Variants in PPFIBP2 observed in about 807,000 individuals in gnomAD.
The protein encoded by PPFIBP2 is PPFIB scaffold protein 2.
PPFIBP2 carries 118 observed loss-of-function variants against 118.3 expected under a neutral mutation model. The ratio of observed to expected loss-of-function variants is 1.00; its 90% CI spans 0.86 to 1.16. The LOEUF is 1.16. Among genes scored for constraint, PPFIBP2 ranks in the 50% most tolerant of loss-of-function variants. PPFIBP2 has a pLI of 0.00. For synonymous variants in PPFIBP2, 414 were observed against 397.4 expected, an observed-to-expected ratio of 1.04 and a Z score of -0.50; for missense variants, 1,195 against 1,073.1, an observed-to-expected ratio of 1.11 and a Z score of -1.59.
At chr11:7,570,655 A>G (rs1855558573) in intron 3 of PPFIBP2, among the ~76,000 whole-genome samples, 5 of 152,162 alleles carry the variant, frequency 3.3e-5, no homozygotes, top group Admixed American at 3.3e-4. Flanking sequence ...TTGGCCATCC[A>G]ATAGGAACCC....
the PPFIBP2 span, among the ~76,000 whole-genome samples, chr11:7,663,664 G>T: frequency 6.6e-6 from 1 of 152,234 alleles, no homozygotes; most frequent in African/African-American, 2.4e-5. Flanking sequence ...CTTGAGCTGT[G>T]GTGGGCTCCA....
intron 3 of PPFIBP2, among the ~76,000 whole-genome samples, chr11:7,581,837 A>G (rs967049100): frequency 6.6e-6 from 1 of 150,998 alleles, no homozygotes; most frequent in East Asian, 1.9e-4. Context: ...AGATAGATAG[A>G]TAGATTTTTT....
At chr11:7,579,583 G>A (rs774782079) in intron 3 of PPFIBP2, among the ~76,000 whole-genome samples, 2 of 152,166 alleles carry the variant, frequency 1.3e-5, no homozygotes, top group Admixed American at 1.3e-4. Context: ...GCCTGGGATT[G>A]TCAGAGCCTT....
downstream of PPFIBP2, chr11:7,655,641 C>A: frequency 4.7e-6 from 3 of 637,918 alleles, no homozygotes; most frequent in Non-Finnish European, 7.2e-6. Flanking sequence ...GAGCCTGAGC[C>A]AGCCACGAGG....
At chr11:7,520,842 T>C (rs1849694969) in intron 1 of PPFIBP2, among the ~76,000 whole-genome samples, 1 of 152,238 alleles carries the variant, frequency 6.6e-6, no homozygotes, top group African/African-American at 2.4e-5. Flanking sequence ...ATGGCACCTA[T>C]GTGTCTCTGT....
At chr11:7,583,021 G>C (rs146805342) in intron 3 of PPFIBP2, among the ~76,000 whole-genome samples, 107 of 152,294 alleles carry the variant, frequency 7.0e-4, no homozygotes, top group African/African-American at 2.5e-3. Context: ...GTCTCTTCAT[G>C]CTGCCTTATA....
chr11:7,577,939 G>A (rs771580226), intron 3 of PPFIBP2, among the ~76,000 whole-genome samples: 2 of 152,184 alleles, frequency 1.3e-5, no homozygotes, highest in Non-Finnish European at 2.9e-5. Flanking sequence ...TCCAAACACC[G>A]TGACCAGAAG....
At chr11:7,617,222 G>T in intron 6 of PPFIBP2, 4 of 985,480 alleles carry the variant, frequency 4.1e-6, no homozygotes, top group South Asian at 9.4e-5. Flanking sequence ...ACCCTGAGGA[G>T]GTGGCGGCCA....
intron 6 of PPFIBP2, among the ~76,000 whole-genome samples, chr11:7,612,394 G>A (rs946325271): frequency 2.0e-5 from 3 of 152,156 alleles, no homozygotes; most frequent in Non-Finnish European, 4.4e-5. Context: ...TCACCGCAGG[G>A]ATCTGTGCAT....
chr11:7,573,580 A>G (rs2134848682), intron 3 of PPFIBP2, among the ~76,000 whole-genome samples: 1 of 152,346 alleles, frequency 6.6e-6, no homozygotes, highest in East Asian at 1.9e-4. Context: ...GGCGCTTTAC[A>G]GGAAAAGTCT....
At chr11:7,617,288 G>T (rs1201247161) in intron 6 of PPFIBP2, 2 of 985,338 alleles carry the variant, frequency 2.0e-6, no homozygotes, top group African/African-American at 3.5e-5. Context: ...GTTGGGAGGG[G>T]TCACCTGTAG....
chr11:7,560,270 A>G (rs927830286), intron 2 of PPFIBP2, among the ~76,000 whole-genome samples: 3 of 152,240 alleles, frequency 2.0e-5, no homozygotes, highest in African/African-American at 7.2e-5. Flanking sequence ...TTGAAAGAAC[A>G]AGAGAACCTA....
intron 2 of PPFIBP2, among the ~76,000 whole-genome samples, chr11:7,549,830 G>T (rs909533469): frequency 2.6e-5 from 4 of 152,108 alleles, no homozygotes; most frequent in Non-Finnish European, 4.4e-5. Flanking sequence ...GGTTCAGTGA[G>T]ACTGATTCTA....
At chr11:7,570,853 G>A (rs894135785) in intron 3 of PPFIBP2, among the ~76,000 whole-genome samples, 11 of 152,336 alleles carry the variant, frequency 7.2e-5, no homozygotes, top group African/African-American at 2.4e-4. Context: ...GGAAATGACA[G>A]CTGAGTTTGA....
chr11:7,601,796 C>A (rs1021658884), intron 5 of PPFIBP2, among the ~76,000 whole-genome samples: 1 of 150,708 alleles, frequency 6.6e-6, no homozygotes, highest in African/African-American at 2.4e-5. Flanking sequence ...CCCGTCTCTA[C>A]TAAAAATACA....
At chr11:7,539,624 G>T (rs1441912031) in intron 1 of PPFIBP2, among the ~76,000 whole-genome samples, 1 of 152,194 alleles carries the variant, frequency 6.6e-6, no homozygotes, top group African/African-American at 2.4e-5. Context: ...TGCCTGTGAG[G>T]GCCTTACCAC....
intron 3 of PPFIBP2, among the ~76,000 whole-genome samples, chr11:7,580,967 T>C (rs55995821): frequency 0.038 from 5,765 of 152,246 alleles, 373 homozygotes; most frequent in African/African-American, 0.13. Context: ...ACCCTTCCCA[T>C]ACTCCAGATC....
At chr11:7,625,248 A>G (rs1849835959) in intron 7 of PPFIBP2, among the ~76,000 whole-genome samples, 1 of 152,206 alleles carries the variant, frequency 6.6e-6, no homozygotes, top group African/African-American at 2.4e-5. Context: ...CCCAAAGGGT[A>G]GGAGCGTGTG....
intron 2 of PPFIBP2, among the ~76,000 whole-genome samples, chr11:7,558,943 A>G (rs983474892): frequency 3.3e-5 from 5 of 152,142 alleles, no homozygotes; most frequent in African/African-American, 1.2e-4. Context: ...TGCTAGTGCC[A>G]TGGTTTCAGC....
Sources: allele counts gnomAD v4.1 joint callset (sites outside exome capture counted in the v4.1 genomes callset), GRCh38; gene constraint gnomAD v4.1.1; transcripts MANE v1.5; gene names NCBI Gene and HGNC (gene_info 2026-07-23, HGNC 2026-07-21).